ALDH1A3: variants seen among roughly 807,000 people sequenced by gnomAD.
ALDH1A3 encodes retinaldehyde dehydrogenase 3.
ALDH1A3 carries 28 observed loss-of-function variants against 57.5 expected under a neutral mutation model. The observed-to-expected ratio is 0.49, with a 90% CI of 0.36 to 0.67. ALDH1A3 has a LOEUF of 0.67. Among genes scored for constraint, ALDH1A3 ranks in the 30% least tolerant of loss-of-function variants. The pLI is 0.00. For missense variants in ALDH1A3, 507 were observed against 669.4 expected (o/e 0.76, Z 2.68); for synonymous variants, 281 against 264.8 (o/e 1.06, Z -0.59).
chr15:100,898,154 G>A lies in ALDH1A3; in HGVS notation c.852G>A (p.Lys284=), dbSNP rs777960510. ...GGGTGACGCTGGAGCTGGGGGGGAA[G>A]AACCCCTGCATCGTGTGTGCGGACG... is the stretch of plus-strand genomic sequence containing the variant. ...LKRVTLELGG[K]NPCIVCADAD... Residue 284 remains lysine (K), a synonymous_variant, in exon 8 of 13, where the codon AAG becomes AAA. Transcript: ENST00000329841. 5 of 1,614,074 alleles carry A rather than the reference G, an allele frequency of 3.1e-6. No individual in the cohort carries two copies. The African/African-American group carries it at 5.3e-5, about 17-fold the overall frequency.
At chr15:100,904,217 T>A (rs1186602194) in intron 9 of ALDH1A3, among the ~76,000 whole-genome samples, 1 of 152,020 alleles carries the variant, frequency 6.6e-6, no homozygotes, top group Non-Finnish European at 1.5e-5. Flanking sequence ...GTATAAGGTG[T>A]GAGGTATGGA....
intron 9 of ALDH1A3, among the ~76,000 whole-genome samples, chr15:100,903,037 T>C (rs1567172708): frequency 6.6e-6 from 1 of 152,222 alleles, no homozygotes; most frequent in Non-Finnish European, 1.5e-5. Context: ...CCTTGAGCTC[T>C]TCCGGGATCT....
intron 1 of ALDH1A3, among the ~76,000 whole-genome samples, chr15:100,881,765 G>C (rs542896203): frequency 3.3e-5 from 5 of 152,178 alleles, no homozygotes; most frequent in Non-Finnish European, 7.3e-5. Flanking sequence ...TCTCCCAGGC[G>C]ATAAAGGCCC....
chr15:100,906,694 T>C lies in ALDH1A3; in HGVS notation c.1234-427T>C, dbSNP rs1390957487. Among the ~76,000 whole-genome samples the C allele has an allele frequency of 6.6e-6, 1 of 152,192 alleles. No individual in the cohort carries two copies. Among genetic ancestry groups the C allele is most frequent in the East Asian group, 1.9e-4 (1 of 5,196 alleles). ...GTTATTATGGAAACGTTCTAGGGTG[T>C]CTTCCTTGGTAGAAAACACAGCTCC... On this transcript the variant is annotated intron_variant, in intron 10 of 12. Transcript: ENST00000329841. This position sits in a 1 kb window ranked among gnomAD's most constrained non-coding sequence, Gnocchi z 4.8.
At chr15:100,907,089 C>A (rs758601715) in intron 10 of ALDH1A3, 32 bp from the exon 11 acceptor site, 2 of 1,605,690 alleles carry the variant, frequency 1.2e-6, no homozygotes, top group African/African-American at 1.3e-5. Context: ...TTCAGTCATG[C>A]CTCTCATTGC....
Position 100,887,737 on chromosome 15 carries a change from G to A in ALDH1A3, c.345+25G>A, listed in dbSNP as rs1251396629. On this transcript the variant is annotated intron_variant, in intron 3 of 12. Transcript: ENST00000329841. The surrounding 1 kb of genome is among the most constrained non-coding windows in gnomAD (Gnocchi z 4.6). ...CGTGAGTACATGCACTTGGGGGCCG[G>A]TGGGGGATGAGCCAGCCTCACTGAG... 1 of 1,562,004 alleles carries A rather than the reference G, an allele frequency of 6.4e-7. No homozygotes were observed. Among genetic ancestry groups the A allele is most frequent in the Non-Finnish European group, 8.7e-7 (1 of 1,149,980 alleles).
chr15:100,888,369 A>G (rs1272008206), intron 3 of ALDH1A3: 1 of 152,190 alleles, frequency 6.6e-6, no homozygotes, highest in Admixed American at 6.5e-5. Context: ...TTGGCCTCCC[A>G]AAGTGCTGGG....
chr15:100,908,323 C>T (rs2041846433), intron 11 of ALDH1A3, 85 bp from the exon 12 acceptor site: 10 of 1,136,060 alleles, frequency 8.8e-6, no homozygotes, highest in Non-Finnish European at 1.3e-5. Flanking sequence ...AGACAATGCC[C>T]TGCACTGGGG....
At position 100,882,994 on chromosome 15, in the gene ALDH1A3, A is replaced by AT. The variant is rs544219688; in HGVS notation, c.100-2264dup. ...AATATGGTTAGAGTCAAACAGTCTG[A>AT]TTTTTTTTTAAGGTTGCTGGTTACA... On this transcript the variant is annotated intron_variant, in intron 1 of 12. Coordinates refer to ENST00000329841, the MANE Select transcript of ALDH1A3 (RefSeq NM_000693.4). 5.9e-5 allele frequency among the ~76,000 whole-genome samples: 9 copies of AT among 151,690 alleles called. No homozygotes were observed. In the South Asian group the frequency reaches 1.2e-3, roughly 21 times the overall value.
intron 8 of ALDH1A3, among the ~76,000 whole-genome samples, chr15:100,899,891 A>G (rs2041748853): frequency 6.6e-6 from 1 of 152,222 alleles, no homozygotes. Flanking sequence ...GGAAAGCTGC[A>G]TTTCTTAAGA....
In ALDH1A3 at chr15:100,892,457, G is replaced by A. The variant is rs1340755536; in HGVS notation, c.346-53G>A. On this transcript the variant is annotated intron_variant, in intron 3 of 12. Transcript: ENST00000329841. ...AACTTCCATCTTTAACAACCTGACA[G>A]TGCAAAAGAAAAGCAAGCTATGTCC... 1.9e-6 allele frequency: 3 copies of A among 1,609,310 alleles called. No individual in the cohort carries two copies. In the African/African-American group the frequency reaches 4.0e-5, roughly 22 times the overall value.
At chr15:100,880,301 G>C in intron 1 of ALDH1A3, 1 of 377,430 alleles carries the variant, frequency 2.6e-6, no homozygotes, top group Non-Finnish European at 4.7e-6. Flanking sequence ...ACGTGTCCCT[G>C]CGCTGCCCGC....
rs766225828 is a variant in ALDH1A3 at position 100,879,857 on chromosome 15, G to C, written c.-51G>C. 7.8e-7 allele frequency: 1 copy of C among 1,285,444 alleles called. No individual in the cohort carries two copies. The highest frequency in any genetic ancestry group is 2.0e-5 in the South Asian group (1 of 50,686). The allele number at this position is 1,285,444 out of a possible 1,614,324, so 79.6% of individuals were successfully genotyped here. Reference sequence around the variant, plus strand: ...GCGGGCTGCGCAGTGTCCGGGCCGAGCCGGTGCGCCGCAGACTAGGGCGCC... The same window carrying C: ...GCGGGCTGCGCAGTGTCCGGGCCGACCCGGTGCGCCGCAGACTAGGGCGCC... On this transcript the variant is annotated 5_prime_UTR_variant, in exon 1 of 13. Transcript: ENST00000329841.
chr15:100,909,389 T>C (rs375470936), intron 12 of ALDH1A3, among the ~76,000 whole-genome samples: 12 of 142,440 alleles, frequency 8.4e-5, no homozygotes, highest in Admixed American at 2.8e-4. Context: ...CAAACCCCTT[T>C]GTGTGTGTGC....
intron 2 of ALDH1A3, among the ~76,000 whole-genome samples, chr15:100,885,733 G>A (rs2041588782): frequency 1.3e-5 from 2 of 149,430 alleles, no homozygotes; most frequent in Admixed American, 1.3e-4. Flanking sequence ...CCGCTGGTGT[G>A]TTTCACGAAA....
At chr15:100,904,573 C>T (rs972332038) in intron 9 of ALDH1A3, among the ~76,000 whole-genome samples, 4 of 152,100 alleles carry the variant, frequency 2.6e-5, no homozygotes, top group Non-Finnish European at 4.4e-5. Flanking sequence ...CTCTCCCAGC[C>T]AAAGAGGAGG....
rs1301389565 is a variant in ALDH1A3, at chr15:100,908,374, A to G, written c.1392-34A>G. The G allele has an allele frequency of 2.5e-6, 4 of 1,588,058 alleles. No homozygotes were observed. In the African/African-American group the frequency reaches 5.4e-5, roughly 21 times the overall value. ...TGCCAGGAGCCAGGGGGTCTTCTCC[A>G]GATGACTCTGAGCTTTCTTCCATTC... On this transcript the variant is annotated intron_variant, in intron 11 of 12. Transcript: ENST00000329841.
chr15:100,892,809 C>T, intron 4 of ALDH1A3, 136 bp from the exon 5 acceptor site: 1 of 1,312,090 alleles, frequency 7.6e-7, no homozygotes, highest in Non-Finnish European at 1.0e-6. Flanking sequence ...AAGTTGAGGT[C>T]AAATCACTTC....
At chr15:100,891,805 C>T (rs1015247452) in intron 3 of ALDH1A3, among the ~76,000 whole-genome samples, 2 of 152,240 alleles carry the variant, frequency 1.3e-5, no homozygotes, top group Non-Finnish European at 2.9e-5. Flanking sequence ...GGTTCTCTTC[C>T]ACCCCGGCTG....
Sources: allele counts gnomAD v4.1 joint callset (sites outside exome capture counted in the v4.1 genomes callset), GRCh38; gene constraint gnomAD v4.1.1; non-coding constraint Gnocchi (gnomAD v3.1); transcripts MANE v1.5; gene names NCBI Gene and HGNC (gene_info 2026-07-23, HGNC 2026-07-21).